The following JAZF1 variants were observed in gnomAD, a reference collection of about 807,000 sequenced individuals.
JAZF1 encodes juxtaposed with another zinc finger protein 1.
Under a neutral mutation model 26.4 loss-of-function variants are expected in JAZF1, and 8 were observed. That is an observed-to-expected ratio of 0.30 (90% confidence interval 0.18 to 0.55). The LOEUF is 0.55. Among genes scored for constraint, JAZF1 ranks in the 20% least tolerant of loss-of-function variants. The pLI is 0.94. For missense variants in JAZF1, 199 were observed against 322.0 expected (o/e 0.62, Z 2.92); for synonymous variants, 126 against 122.3 (o/e 1.03, Z -0.20).
intron 2 of JAZF1, among the ~76,000 whole-genome samples, chr7:27,957,733 T>C (rs1785122170): frequency 6.6e-6 from 1 of 152,214 alleles, no homozygotes; most frequent in African/African-American, 2.4e-5. Context: ...TCTGAGGATT[T>C]AATGACTTCT....
intron 1 of JAZF1, among the ~76,000 whole-genome samples, chr7:28,064,850 C>T (rs1219335572): frequency 6.6e-6 from 1 of 151,944 alleles, no homozygotes; most frequent in Non-Finnish European, 1.5e-5. Flanking sequence ...ATTTCTTGAC[C>T]AGCTTAACAG....
At chr7:28,009,734 C>T (rs749204518) in intron 1 of JAZF1, among the ~76,000 whole-genome samples, 1 of 152,206 alleles carries the variant, frequency 6.6e-6, no homozygotes, top group Non-Finnish European at 1.5e-5. Flanking sequence ...CTGCCTGCCT[C>T]AGCCTCCCAA....
At chr7:28,136,991 T>C (rs1419810623) in intron 1 of JAZF1, among the ~76,000 whole-genome samples, 1 of 152,208 alleles carries the variant, frequency 6.6e-6, no homozygotes, top group Non-Finnish European at 1.5e-5. Flanking sequence ...TGAATGCTTA[T>C]GCCGTGCCAG....
intron 2 of JAZF1, among the ~76,000 whole-genome samples, chr7:27,907,944 C>T (rs1784291332): frequency 6.6e-6 from 1 of 152,214 alleles, no homozygotes; most frequent in South Asian, 2.1e-4. Flanking sequence ...GACATGTAAG[C>T]TGAAAGTCTG....
rs542260984 is a variant in JAZF1, at chr7:28,064,521, CA to C, written c.116-72541del. Among the ~76,000 whole-genome samples the C allele has an allele frequency of 2.0e-3, 308 of 152,112 alleles. 4 individuals carry two copies. The highest frequency in any genetic ancestry group is 6.8e-3 in the Middle Eastern group (2 of 294). On this transcript the variant is annotated intron_variant, in intron 1 of 4. Coordinates refer to ENST00000283928, the MANE Select transcript of JAZF1 (RefSeq NM_175061.4). ...AGCAATGCATTCTGAAATGTAGCTA[CA>C]AAAAAATTCTATAAATGTTTAAACT... is the stretch of plus-strand genomic sequence containing the variant.
chr7:28,092,544 T>C (rs1784320317), intron 1 of JAZF1, among the ~76,000 whole-genome samples: 1 of 151,986 alleles, frequency 6.6e-6, no homozygotes, highest in Non-Finnish European at 1.5e-5. Flanking sequence ...TTCATAGAAC[T>C]GCTTTTAGAA....
intron 1 of JAZF1, among the ~76,000 whole-genome samples, chr7:28,178,498 G>T (rs1783580923): frequency 6.6e-6 from 1 of 152,172 alleles, no homozygotes; most frequent in Non-Finnish European, 1.5e-5. Flanking sequence ...TAAGTCAAGA[G>T]AAATTATTTA....
At chr7:27,866,719 T>C (rs1481153021) in intron 3 of JAZF1, among the ~76,000 whole-genome samples, 2 of 152,222 alleles carry the variant, frequency 1.3e-5, no homozygotes, top group African/African-American at 4.8e-5. Flanking sequence ...ATGTCTAAAA[T>C]GTAGTTTACA....
chr7:28,104,018 T>C (rs1161294796), intron 1 of JAZF1, among the ~76,000 whole-genome samples: 1 of 152,060 alleles, frequency 6.6e-6, no homozygotes, highest in African/African-American at 2.4e-5. Flanking sequence ...TCTCACTCAC[T>C]CCAGCCCCAC....
At chr7:27,952,050 T>G (rs547711316) in intron 2 of JAZF1, among the ~76,000 whole-genome samples, 1 of 152,190 alleles carries the variant, frequency 6.6e-6, no homozygotes, top group Middle Eastern at 3.4e-3. Context: ...ACTAGGCAGG[T>G]GGGGTGGGCA....
intron 1 of JAZF1, among the ~76,000 whole-genome samples, chr7:28,177,883 ATTC>A (rs1300755478): frequency 6.6e-6 from 1 of 152,168 alleles, no homozygotes; most frequent in African/African-American, 2.4e-5. Context: ...GGATATTTTT[ATTC>A]TTCTTAAGAT....
chr7:27,854,191 A>G (rs1783202887), intron 3 of JAZF1, among the ~76,000 whole-genome samples: 1 of 152,050 alleles, frequency 6.6e-6, no homozygotes, highest in African/African-American at 2.4e-5. Context: ...TAGGATTCCA[A>G]CCCCTGCTTT....
chr7:28,043,891 G>C lies in JAZF1; in HGVS notation c.116-51910C>G, dbSNP rs144423365. On this transcript the variant is annotated intron_variant, in intron 1 of 4. Transcript: ENST00000283928. ...GAAAGAAACAAGACACAAGAGGCCA[G>C]ATATAGTATGATTCAACTTAGAGGA... Among the ~76,000 whole-genome samples, 27 of 152,250 alleles carry C rather than the reference G, an allele frequency of 1.8e-4. No individual in the cohort carries two copies. The East Asian group carries it at 5.2e-3, about 29-fold the overall frequency.
At chr7:28,092,174 G>C (rs1784307731) in intron 1 of JAZF1, among the ~76,000 whole-genome samples, 1 of 150,866 alleles carries the variant, frequency 6.6e-6, no homozygotes, top group African/African-American at 2.4e-5. Flanking sequence ...ATATATAAAG[G>C]GCACTCAATG....
intron 3 of JAZF1, among the ~76,000 whole-genome samples, chr7:27,851,091 G>A (rs11971123): frequency 1.2e-3 from 179 of 151,974 alleles, no homozygotes; most frequent in African/African-American, 4.0e-3. Context: ...TACAGGCACC[G>A]GCCACCACGC....
At chr7:28,047,724 T>G (rs1279024469) in intron 1 of JAZF1, among the ~76,000 whole-genome samples, 1 of 152,182 alleles carries the variant, frequency 6.6e-6, no homozygotes, top group East Asian at 1.9e-4. Context: ...GATGATCATA[T>G]GGATTCTGGC....
chr7:27,885,696 CCA>C (rs1250710674), intron 3 of JAZF1, among the ~76,000 whole-genome samples: 1 of 151,926 alleles, frequency 6.6e-6, no homozygotes, highest in African/African-American at 2.4e-5. Context: ...TCCTTTGGTC[CCA>C]CAGACACTTT....
intron 2 of JAZF1, among the ~76,000 whole-genome samples, chr7:27,963,651 T>C (rs540581056): frequency 6.4e-4 from 95 of 147,710 alleles, no homozygotes; most frequent in Middle Eastern, 3.4e-3. Flanking sequence ...AGCCTTGATC[T>C]CCTGGCCTCA....
In JAZF1 at chr7:28,081,416, G is replaced by A. The variant is rs138409749; in HGVS notation, c.116-89435C>T. On this transcript the variant is annotated intron_variant, in intron 1 of 4. Transcript: ENST00000283928. ...CAAGAGGGAGAGCATCCAGCACTTCGGGGCACCAGATGCTTTTTCTAAGGT... is the reference window on the plus strand; with the variant it reads ...CAAGAGGGAGAGCATCCAGCACTTCAGGGCACCAGATGCTTTTTCTAAGGT... Among the ~76,000 whole-genome samples the A allele has an allele frequency of 1.1e-3, 172 of 152,288 alleles. 1 individual carries two copies. The highest frequency in any genetic ancestry group is 3.9e-3 in the African/African-American group (161 of 41,558).
Sources: gnomAD v4.1 joint callset for allele counts (sites outside exome capture counted in the v4.1 genomes callset) on GRCh38, gnomAD v4.1.1 for gene constraint, MANE v1.5 for transcripts, NCBI Gene and HGNC (gene_info 2026-07-23, HGNC 2026-07-21) for gene names.